Variants in MPPED2 observed in about 807,000 individuals in gnomAD.
The protein encoded by MPPED2 is metallophosphoesterase MPPED2.
MPPED2 carries 5 observed loss-of-function variants against 33.0 expected under a neutral mutation model. That is an observed-to-expected ratio of 0.15 (90% CI 0.08 to 0.32). The LOEUF (loss-of-function observed/expected upper bound fraction) is 0.32. Among genes scored for constraint, MPPED2 ranks in the 10% least tolerant of loss-of-function variants. MPPED2 has a pLI of 1.00. For missense variants in MPPED2, 275 were observed against 372.1 expected (o/e 0.74, Z 2.15); for synonymous variants, 136 against 141.9 (o/e 0.96, Z 0.29).
chr11:30,548,651 C>T (rs1955555797), intron 2 of MPPED2, among the ~76,000 whole-genome samples: 1 of 151,802 alleles, frequency 6.6e-6, no homozygotes, highest in African/African-American at 2.4e-5. Context: ...GGTAGATCTT[C>T]ACAAAAGAAG....
At chr11:30,442,343 T>C (rs913041940) in intron 4 of MPPED2, among the ~76,000 whole-genome samples, 2 of 152,192 alleles carry the variant, frequency 1.3e-5, no homozygotes, top group Admixed American at 6.5e-5. Flanking sequence ...ATGTCTCTAA[T>C]AGGAAAGAGT....
At chr11:30,391,500 A>T (rs1233449426) in intron 6 of MPPED2, among the ~76,000 whole-genome samples, 1 of 152,168 alleles carries the variant, frequency 6.6e-6, no homozygotes, top group Non-Finnish European at 1.5e-5. Context: ...TTGGGTTCGC[A>T]TCCTGGCTCT....
rs192429800 is a variant in MPPED2 at position 30,520,102 on chromosome 11, C to T, written c.310+15892G>A. Among the ~76,000 whole-genome samples the T allele has an allele frequency of 5.3e-5, 8 of 152,240 alleles. No individual in the cohort carries two copies. In the East Asian group the frequency reaches 5.8e-4, roughly 11 times the overall value. ...GAAGGATAAGTGAGATTCATAAAAA[C>T]GGCAGCGAGAAGGGAGACAACACAG... On this transcript the variant is annotated intron_variant, in intron 3 of 6. Coordinates refer to ENST00000358117, the MANE Select transcript of MPPED2 (RefSeq NM_001584.3).
intron 5 of MPPED2, among the ~76,000 whole-genome samples, chr11:30,416,554 T>TC (rs751388184): frequency 6.6e-6 from 1 of 152,214 alleles, no homozygotes; most frequent in East Asian, 1.9e-4. Flanking sequence ...AAGTGTTTTT[T>TC]CCCTCTCTCC....
chr11:30,536,584 T>C (rs1954824433), intron 2 of MPPED2, among the ~76,000 whole-genome samples: 1 of 152,170 alleles, frequency 6.6e-6, no homozygotes, highest in South Asian at 2.1e-4. Flanking sequence ...ATTTATTCCT[T>C]CTTAAACATG....
intron 3 of MPPED2, among the ~76,000 whole-genome samples, chr11:30,532,315 A>G (rs567214777): frequency 2.0e-5 from 3 of 152,316 alleles, no homozygotes; most frequent in African/African-American, 4.8e-5. Flanking sequence ...GTAGGACTCC[A>G]TGGCCTTCAA....
chr11:30,461,990 A>G (rs1355358761), intron 4 of MPPED2, among the ~76,000 whole-genome samples: 1 of 152,202 alleles, frequency 6.6e-6, no homozygotes, highest in Non-Finnish European at 1.5e-5. Flanking sequence ...TAAGTTAGCA[A>G]GTTTTCATGG....
intron 2 of MPPED2, among the ~76,000 whole-genome samples, chr11:30,554,706 G>A (rs967374480): frequency 6.6e-6 from 1 of 152,092 alleles, no homozygotes; most frequent in African/African-American, 2.4e-5. Context: ...TGTTGGCCGG[G>A]CTGGTCTTGA....
intron 3 of MPPED2, among the ~76,000 whole-genome samples, chr11:30,513,055 A>C (rs1001620580): frequency 3.3e-5 from 5 of 152,098 alleles, no homozygotes; most frequent in African/African-American, 1.2e-4. Flanking sequence ...TTTATCCTGA[A>C]AGATTCTGTT....
chr11:30,462,039 G>T (rs1215677051), intron 4 of MPPED2, among the ~76,000 whole-genome samples: 2 of 152,208 alleles, frequency 1.3e-5, no homozygotes, highest in Non-Finnish European at 2.9e-5. Flanking sequence ...CCTGGGATAT[G>T]GGTGCTGGAG....
chr11:30,580,345 T>G lies in MPPED2; in HGVS notation c.29A>C (p.Lys10Thr). The G allele has an allele frequency of 1.2e-6, 2 of 1,614,140 alleles. No homozygotes were observed. Among genetic ancestry groups the G allele is most frequent in the Non-Finnish European group, 1.7e-6 (2 of 1,180,006 alleles). The change falls in exon 2 of 7, where the codon AAA becomes ACA. Residue 10 changes from lysine to threonine, a missense_variant. By Grantham distance (78) the Lys-to-Thr change is moderately conservative (BLOSUM62 -1). Coordinates refer to ENST00000358117, the MANE Select transcript of MPPED2 (RefSeq NM_001584.3). ...GTACTCATCCACCGTTATGGTAACT[T>G]TGCCTTGAGAAGGAATCCCATGTGC... Reference protein sequence around the residue: MAHGIPSQGKVTITVDEYSS... With the variant: MAHGIPSQGTVTITVDEYSS...
intron 3 of MPPED2, chr11:30,504,856 A>C: frequency 1.7e-6 from 2 of 1,206,044 alleles, no homozygotes; most frequent in Non-Finnish European, 2.2e-6. Flanking sequence ...AAACACAGAA[A>C]ACTATATTAC....
chr11:30,580,080 T>C (rs1394776544), intron 2 of MPPED2, among the ~76,000 whole-genome samples, 166 bp downstream of exon 2: 2 of 152,214 alleles, frequency 1.3e-5, no homozygotes. Context: ...GTTACACAGA[T>C]GTATGGGATT....
intron 2 of MPPED2, among the ~76,000 whole-genome samples, chr11:30,564,596 T>A (rs1956364505): frequency 3.3e-5 from 5 of 152,202 alleles, no homozygotes. Flanking sequence ...TTTGGCAGTA[T>A]GCTTCTGGAA....
chr11:30,455,265 G>C (rs763636530), intron 4 of MPPED2, among the ~76,000 whole-genome samples: 2 of 152,198 alleles, frequency 1.3e-5, no homozygotes, highest in Non-Finnish European at 2.9e-5. Context: ...CCAGCCTACT[G>C]TTTTCTGCCC....
chr11:30,425,036 T>C (rs1343540764), intron 4 of MPPED2, among the ~76,000 whole-genome samples: 3 of 152,148 alleles, frequency 2.0e-5, no homozygotes, highest in Non-Finnish European at 4.4e-5. Context: ...CACTACGACT[T>C]TGTAGCTTGG....
upstream of MPPED2, chr11:30,586,407 C>G (rs1055307118): frequency 6.6e-6 from 1 of 152,384 alleles, no homozygotes; most frequent in Non-Finnish European, 1.5e-5. The surrounding 1 kb of genome is among the most constrained non-coding windows in gnomAD (Gnocchi z 4.8). Context: ...GCAGGGCGGC[C>G]GAGGCGCCGC....
chr11:30,432,923 A>G (rs1014843919), intron 4 of MPPED2, among the ~76,000 whole-genome samples: 1 of 152,200 alleles, frequency 6.6e-6, no homozygotes, highest in Non-Finnish European at 1.5e-5. Flanking sequence ...TGATATGATA[A>G]CATACAATGT....
intron 6 of MPPED2, among the ~76,000 whole-genome samples, chr11:30,393,246 C>A (rs1326720628): frequency 6.6e-6 from 1 of 151,970 alleles, no homozygotes; most frequent in Non-Finnish European, 1.5e-5. Flanking sequence ...ATAGACAACC[C>A]TATCTCTGCT....
Sources: gnomAD v4.1 joint callset for allele counts (sites outside exome capture counted in the v4.1 genomes callset) on GRCh38, gnomAD v4.1.1 for gene constraint, Gnocchi (gnomAD v3.1) non-coding constraint, MANE v1.5 for transcripts, NCBI Gene and HGNC (gene_info 2026-07-23, HGNC 2026-07-21) for gene names.